Variants in DLG2 observed in about 807,000 individuals in gnomAD.
DLG2 encodes discs large MAGUK scaffold protein 2.
In DLG2, 45 loss-of-function variants were observed where a neutral mutation model predicts 132.5. That is an observed-to-expected ratio of 0.34 (90% confidence interval 0.27 to 0.44). DLG2 has a LOEUF of 0.44. DLG2 is among the 20% of genes least tolerant of loss of function. The pLI, the probability that DLG2 is intolerant of heterozygous loss-of-function variation, is 1.00. For missense variants in DLG2, 1,045 were observed against 1,196.9 expected, an observed-to-expected ratio of 0.87 and a Z score of 1.87; for synonymous variants, 424 against 419.6, an observed-to-expected ratio of 1.01 and a Z score of -0.13.
chr11:83,547,663 T>C (rs553821956), intron 19 of DLG2, among the ~76,000 whole-genome samples: 11 of 152,164 alleles, frequency 7.2e-5, no homozygotes, highest in Non-Finnish European at 1.0e-4. Flanking sequence ...AATTCTCCTA[T>C]TGAGCCTCTA....
At chr11:83,504,900 C>T (rs1033818695) in intron 21 of DLG2, among the ~76,000 whole-genome samples, 2 of 152,160 alleles carry the variant, frequency 1.3e-5, no homozygotes, top group Admixed American at 6.5e-5. Flanking sequence ...ACTTACAAAG[C>T]TATTTCACCA....
intron 18 of DLG2, among the ~76,000 whole-genome samples, chr11:83,760,455 T>C (rs896143862): frequency 6.6e-6 from 1 of 151,604 alleles, no homozygotes; most frequent in Non-Finnish European, 1.5e-5. Context: ...CTAATCTCAC[T>C]ATCTCCATCT....
At chr11:85,549,197 T>C (rs2076512819) in intron 3 of DLG2, among the ~76,000 whole-genome samples, 1 of 152,252 alleles carries the variant, frequency 6.6e-6, no homozygotes, top group Admixed American at 6.5e-5. Context: ...CTGGAGTACA[T>C]GGTACAGTCC....
intron 7 of DLG2, among the ~76,000 whole-genome samples, chr11:84,257,927 T>A (rs1021033673): frequency 6.6e-6 from 1 of 152,148 alleles, no homozygotes; most frequent in African/African-American, 2.4e-5. Context: ...ACTCAAGTGA[T>A]CCACCTGCCT....
At chr11:84,930,919 C>T (rs939152959) in intron 6 of DLG2, among the ~76,000 whole-genome samples, 4 of 152,114 alleles carry the variant, frequency 2.6e-5, no homozygotes, top group African/African-American at 9.7e-5. Context: ...CACTCTCCAT[C>T]CATTTCCTCA....
At chr11:85,186,166 A>T (rs2080081148) in intron 4 of DLG2, among the ~76,000 whole-genome samples, 1 of 151,964 alleles carries the variant, frequency 6.6e-6, no homozygotes. Flanking sequence ...CATAATATGA[A>T]CCACAATTGT....
intron 21 of DLG2, among the ~76,000 whole-genome samples, chr11:83,511,725 AC>A (rs898153312): frequency 9.3e-5 from 13 of 140,012 alleles, no homozygotes; most frequent in African/African-American, 3.4e-4. Context: ...AAAGAAGCAA[AC>A]TTTTTTTTTT....
At chr11:84,134,692 C>CTCTG (rs1555367918) in intron 9 of DLG2, among the ~76,000 whole-genome samples, 6 of 149,556 alleles carry the variant, frequency 4.0e-5, no homozygotes, top group Admixed American at 3.3e-4. Context: ...CTTTTGTTAT[C>CTCTG]TGTGTGTGTG....
rs186368293 is a variant in DLG2, at chr11:83,683,745, C to A, written c.1826-50420G>T. 1.2e-4 allele frequency among the ~76,000 whole-genome samples: 18 copies of A among 152,200 alleles called. No individual in the cohort carries two copies. In the East Asian group the frequency reaches 2.7e-3, roughly 23 times the overall value. ...TTTCCTTTGACAAAATGAATTTCTG[C>A]CACACCTTCTCCCTCAACTACCTTT... On this transcript the variant is annotated intron_variant, in intron 18 of 27. Transcript: ENST00000376104.
intron 6 of DLG2, among the ~76,000 whole-genome samples, chr11:84,715,374 A>ATG (rs1469731979): frequency 2.0e-5 from 3 of 152,050 alleles, no homozygotes; most frequent in East Asian, 3.9e-4. Flanking sequence ...GTGTGTGTGT[A>ATG]TGTGTGTGTG....
chr11:84,827,865 T>A (rs1054470083), intron 6 of DLG2, among the ~76,000 whole-genome samples: 5 of 151,592 alleles, frequency 3.3e-5, no homozygotes, highest in Non-Finnish European at 7.4e-5. Flanking sequence ...AGACAAATAT[T>A]GCATGTTCTC....
chr11:83,837,338 G>T (rs894533358), intron 16 of DLG2, among the ~76,000 whole-genome samples: 1 of 152,170 alleles, frequency 6.6e-6, no homozygotes, highest in Non-Finnish European at 1.5e-5. Context: ...GTATCGACTA[G>T]CATCACCTCG....
At chr11:84,635,887 T>A (rs1003431031) in intron 6 of DLG2, among the ~76,000 whole-genome samples, 1 of 152,218 alleles carries the variant, frequency 6.6e-6, no homozygotes, top group Non-Finnish European at 1.5e-5. Flanking sequence ...TTCTTCTTCA[T>A]ACATTCTTCA....
intron 6 of DLG2, among the ~76,000 whole-genome samples, chr11:85,091,736 C>A (rs2068814771): frequency 6.6e-6 from 1 of 152,340 alleles, no homozygotes; most frequent in South Asian, 2.1e-4. Flanking sequence ...TTCATCTACT[C>A]AGGTTTTATC....
At chr11:84,860,358 G>C (rs968304997) in intron 6 of DLG2, among the ~76,000 whole-genome samples, 4 of 152,076 alleles carry the variant, frequency 2.6e-5, no homozygotes, top group South Asian at 4.1e-4. Flanking sequence ...CAATAGCAGA[G>C]AATGTTCATT....
At chr11:84,159,471 T>A (rs1193346364) in intron 9 of DLG2, among the ~76,000 whole-genome samples, 1 of 152,164 alleles carries the variant, frequency 6.6e-6, no homozygotes, top group African/African-American at 2.4e-5. Flanking sequence ...TCCAGGCAGC[T>A]AGAATAACAT....
chr11:84,601,801 G>T (rs939229884), intron 6 of DLG2, among the ~76,000 whole-genome samples: 8 of 151,998 alleles, frequency 5.3e-5, no homozygotes, highest in African/African-American at 1.9e-4. Flanking sequence ...ACTATAGATA[G>T]AATATTGGGA....
At chr11:83,881,613 C>A (rs1270380060) in intron 15 of DLG2, among the ~76,000 whole-genome samples, 2 of 152,166 alleles carry the variant, frequency 1.3e-5, no homozygotes, top group Non-Finnish European at 2.9e-5. Flanking sequence ...AGTTAGTCCA[C>A]AAGTTGCGCT....
chr11:84,308,428 C>A lies in DLG2; in HGVS notation c.520-57137G>T, dbSNP rs190016592. 2.5e-4 allele frequency among the ~76,000 whole-genome samples: 38 copies of A among 152,276 alleles called. No homozygotes were observed. In the East Asian group the frequency reaches 6.0e-3, roughly 24 times the overall value. On this transcript the variant is annotated intron_variant, in intron 7 of 27. Coordinates refer to ENST00000376104, the MANE Select transcript of DLG2 (RefSeq NM_001142699.3). ...GTGCCCATTGGTGTATTTACAATCC[C>A]TTAGCTAGACATAAAGGTTCTCCAA...
Sources: allele counts gnomAD v4.1 joint callset (sites outside exome capture counted in the v4.1 genomes callset), GRCh38; gene constraint gnomAD v4.1.1; transcripts MANE v1.5; gene names NCBI Gene and HGNC (gene_info 2026-07-23, HGNC 2026-07-21).